Variants in ANO10 observed in about 807,000 individuals in gnomAD.
ANO10 encodes anoctamin-10.
In ANO10, 77 loss-of-function variants were observed where a neutral mutation model predicts 74.7. The ratio of observed to expected loss-of-function variants is 1.03; its 90% confidence interval spans 0.86 to 1.25. The LOEUF (loss-of-function observed/expected upper bound fraction) is 1.25. ANO10 is among the 50% of genes most tolerant of loss of function. The pLI, the probability that ANO10 is intolerant of heterozygous loss-of-function variation, is 0.00. For missense variants in ANO10, 721 were observed against 778.1 expected, an observed-to-expected ratio of 0.93 and a Z score of 0.87; for synonymous variants, 279 against 284.9, an observed-to-expected ratio of 0.98 and a Z score of 0.21.
chr3:43,555,375 A>C lies in ANO10; in HGVS notation c.1571T>G (p.Leu524Ter). 5.0e-6 allele frequency: 8 copies of C among 1,614,204 alleles called. No homozygotes were observed. Among genetic ancestry groups the C allele is most frequent in the Non-Finnish European group, 6.8e-6 (8 of 1,180,022 alleles). ...VYPLAAAFAV[L>*]NNFTEVNSDA... Reference sequence around the variant, plus strand: ...TGAATTTACTTCAGTGAAGTTATTTAACACAGCAAAGGCAGCTGCTAATGG... The same window carrying C: ...TGAATTTACTTCAGTGAAGTTATTTCACACAGCAAAGGCAGCTGCTAATGG... Residue 524 changes from leucine to a stop codon, truncating the protein, a stop_gained, in exon 10 of 13, where the codon TTA becomes TGA. Transcript: ENST00000292246. LOFTEE classifies it high-confidence loss of function.
At chr3:43,447,919 T>C (rs1269296492) in intron 11 of ANO10, among the ~76,000 whole-genome samples, 1 of 152,228 alleles carries the variant, frequency 6.6e-6, no homozygotes, top group African/African-American at 2.4e-5. Context: ...TGCATTGTTA[T>C]GGCTTGAATT....
chr3:43,637,861 G>C (rs1375781367), intron 1 of ANO10: 2 of 152,160 alleles, frequency 1.3e-5, no homozygotes, highest in East Asian at 3.8e-4. Context: ...TTCCCTTTTA[G>C]AACTAGTGGG....
At chr3:43,511,835 A>AT (rs746086457) in intron 11 of ANO10, among the ~76,000 whole-genome samples, 1 of 152,188 alleles carries the variant, frequency 6.6e-6, no homozygotes, top group Non-Finnish European at 1.5e-5. Context: ...AAGAGTGTAG[A>AT]TTTTTACCTA....
At chr3:43,631,620 T>C (rs2083548215) in intron 1 of ANO10, among the ~76,000 whole-genome samples, 1 of 151,918 alleles carries the variant, frequency 6.6e-6, no homozygotes, top group South Asian at 2.1e-4. Context: ...AATATTCTCA[T>C]TGTATGAGAG....
At position 43,602,277 on chromosome 3, in the gene ANO10, G is replaced by T. The variant is rs550864617; in HGVS notation, c.140-1696C>A. Among the ~76,000 whole-genome samples, 4 of 152,274 alleles carry T rather than the reference G, an allele frequency of 2.6e-5. No individual in the cohort carries two copies. The South Asian group carries it at 8.3e-4, about 32-fold the overall frequency. On this transcript the variant is annotated intron_variant, in intron 2 of 12. Transcript: ENST00000292246. ...CCAAATAGGCACAGTGAGTGTGTGGGGAAAGGCATCCCAGCCATTTTTAGT... is the reference window on the plus strand; with the variant it reads ...CCAAATAGGCACAGTGAGTGTGTGGTGAAAGGCATCCCAGCCATTTTTAGT...
chr3:43,541,125 T>G (rs2078936273), intron 11 of ANO10, among the ~76,000 whole-genome samples: 1 of 152,204 alleles, frequency 6.6e-6, no homozygotes, highest in South Asian at 2.1e-4. Flanking sequence ...ACCCAACTCA[T>G]GCTCAACAAT....
intron 12 of ANO10, among the ~76,000 whole-genome samples, chr3:43,403,267 A>C (rs2092515879): frequency 6.6e-6 from 1 of 152,246 alleles, no homozygotes; most frequent in Non-Finnish European, 1.5e-5. Context: ...ATATTTGAGA[A>C]AAACACAGCA....
chr3:43,644,083 T>TG (rs2083702057), intron 1 of ANO10, among the ~76,000 whole-genome samples: 2 of 151,782 alleles, frequency 1.3e-5, no homozygotes, highest in African/African-American at 4.9e-5. Context: ...TTCCCTGATT[T>TG]TTTTGTTTGT....
intron 1 of ANO10, among the ~76,000 whole-genome samples, chr3:43,663,051 C>T (rs1317591370): frequency 6.6e-6 from 1 of 152,146 alleles, no homozygotes; most frequent in Non-Finnish European, 1.5e-5. Context: ...ATGAGGCCAG[C>T]ATCATCCTGA....
At chr3:43,416,230 G>C (rs151154896) in intron 12 of ANO10, among the ~76,000 whole-genome samples, 14 of 152,186 alleles carry the variant, frequency 9.2e-5, no homozygotes, top group African/African-American at 3.4e-4. Context: ...ACAAATCTAC[G>C]CATACACTGC....
At chr3:43,688,113 T>C (rs905681917) in intron 1 of ANO10, among the ~76,000 whole-genome samples, 2 of 152,226 alleles carry the variant, frequency 1.3e-5, no homozygotes, top group Admixed American at 6.5e-5. Context: ...GCTTGTCAGT[T>C]TCTGCATAAA....
At chr3:43,680,909 A>G (rs1241424874) in intron 1 of ANO10, among the ~76,000 whole-genome samples, 1 of 152,218 alleles carries the variant, frequency 6.6e-6, no homozygotes, top group African/African-American at 2.4e-5. Flanking sequence ...GGCCTGCCCT[A>G]AAAGAGCTCC....
At chr3:43,386,687 G>GTGTGTC (rs1461458593) in intron 12 of ANO10, among the ~76,000 whole-genome samples, 97 of 150,942 alleles carry the variant, frequency 6.4e-4, no homozygotes, top group African/African-American at 2.2e-3. Context: ...GTGTGTGTGT[G>GTGTGTC]TCTCCAAATC....
chr3:43,515,078 TAAAAC>T (rs2077654217), intron 11 of ANO10, among the ~76,000 whole-genome samples: 1 of 152,024 alleles, frequency 6.6e-6, no homozygotes. Context: ...TAGAAAATAG[TAAAAC>T]AATACAGAAA....
chr3:43,460,525 T>TC (rs1466710846), intron 11 of ANO10, among the ~76,000 whole-genome samples: 5 of 152,134 alleles, frequency 3.3e-5, no homozygotes. Flanking sequence ...TTCTGCACCC[T>TC]CCCCCTCTCC....
chr3:43,663,214 C>A (rs2083947023), intron 1 of ANO10, among the ~76,000 whole-genome samples: 1 of 152,276 alleles, frequency 6.6e-6, no homozygotes, highest in Admixed American at 6.5e-5. Flanking sequence ...GGGCTTCATC[C>A]CTGGGATGCA....
intron 11 of ANO10, among the ~76,000 whole-genome samples, chr3:43,510,020 T>C (rs931108154): frequency 2.6e-5 from 4 of 152,132 alleles, no homozygotes; most frequent in Admixed American, 6.6e-5. Context: ...AGAACAGATT[T>C]TGGTGATCAT....
chr3:43,366,870 G>C lies in ANO10; in HGVS notation c.*36C>G, dbSNP rs751112898. The C allele has an allele frequency of 1.3e-6, 2 of 1,554,742 alleles. No homozygotes were observed. Among genetic ancestry groups the C allele is most frequent in the Non-Finnish European group, 1.7e-6 (2 of 1,147,134 alleles). ...CGTGGCAGGTGTGGCACAGACACAG[G>C]CCTCTGCCAACAGGGCAGCTGGGCA... On this transcript the variant is annotated 3_prime_UTR_variant, in exon 13 of 13. Transcript: ENST00000292246.
In ANO10 at chr3:43,492,530, C is replaced by CA. The variant is rs2076761291; in HGVS notation, c.1797+57189dup. Among the ~76,000 whole-genome samples, 12 of 152,250 alleles carry CA rather than the reference C, an allele frequency of 7.9e-5. No individual in the cohort carries two copies. In the South Asian group the frequency reaches 2.5e-3, roughly 32 times the overall value. ...CCTACAGAATGGGAGAATATTTTTG[C>CA]AATCTTTCCATCTGACAAAGGGCTA... On this transcript the variant is annotated intron_variant, in intron 11 of 12. Coordinates refer to ENST00000292246, the MANE Select transcript of ANO10 (RefSeq NM_018075.5).
Sources: allele counts gnomAD v4.1 joint callset (sites outside exome capture counted in the v4.1 genomes callset), GRCh38; gene constraint gnomAD v4.1.1; transcripts MANE v1.5; gene names NCBI Gene and HGNC (gene_info 2026-07-23, HGNC 2026-07-21).